The following ALLC variants were observed in gnomAD, a reference collection of about 807,000 sequenced individuals.
ALLC encodes allantoicase.
ALLC carries 40 observed loss-of-function variants against 45.0 expected under a neutral mutation model. The ratio of observed to expected loss-of-function variants is 0.89; its 90% confidence interval spans 0.69 to 1.16. The LOEUF (loss-of-function observed/expected upper bound fraction) is 1.16, where lower values mean the gene tolerates loss of function less well. Ranked by LOEUF, ALLC falls within the 50% of genes most tolerant of loss-of-function variation. The pLI is 0.00. For missense variants in ALLC, 488 were observed against 493.1 expected, an observed-to-expected ratio of 0.99 and a Z score of 0.10; for synonymous variants, 176 against 178.1, an observed-to-expected ratio of 0.99 and a Z score of 0.09.
At chr2:3,652,946 A>G in the ALLC span, among the ~76,000 whole-genome samples, 1 of 152,160 alleles carries the variant, frequency 6.6e-6, no homozygotes, top group Non-Finnish European at 1.5e-5. Flanking sequence ...GTAGTCAGCA[A>G]TTTGGACTGA....
At chr2:3,696,854 C>T (rs1667687707) in intron 9 of ALLC, among the ~76,000 whole-genome samples, 1 of 152,148 alleles carries the variant, frequency 6.6e-6, no homozygotes, top group East Asian at 1.9e-4. Context: ...TTGCAAATCC[C>T]ACCAAAAACT....
At chr2:3,650,804 G>A in the ALLC span, among the ~76,000 whole-genome samples, 1 of 152,214 alleles carries the variant, frequency 6.6e-6, no homozygotes, top group Non-Finnish European at 1.5e-5. Context: ...GGGAGTCTGT[G>A]TTAATAGCAG....
chr2:3,660,645 T>A (rs1666549661), intron 1 of ALLC, among the ~76,000 whole-genome samples: 1 of 146,110 alleles, frequency 6.8e-6, no homozygotes, highest in South Asian at 2.1e-4. Context: ...GGGTTCTTAT[T>A]CCTGACGCAC....
Position 3,696,561 on chromosome 2 carries a change from C to T in ALLC, c.741+213C>T, listed in dbSNP as rs141417039. On this transcript the variant is annotated intron_variant, in intron 9 of 11. Transcript: ENST00000252505. ...CAAACATACTGGTCATTGCCAGCTA[C>T]GCCAATGCATTTTTGGAACATTCCT... Among the ~76,000 whole-genome samples, 31 of 152,290 alleles carry T rather than the reference C, an allele frequency of 2.0e-4. No homozygotes were observed. The East Asian group carries it at 4.4e-3, about 22-fold the overall frequency.
At chr2:3,686,095 G>T (rs970434126) in intron 7 of ALLC, among the ~76,000 whole-genome samples, 1 of 150,978 alleles carries the variant, frequency 6.6e-6, no homozygotes, top group African/African-American at 2.4e-5. Flanking sequence ...TTTTCTTCTA[G>T]AATGTTCATA....
At chr2:3,668,938 G>A (rs549982234) in intron 1 of ALLC, among the ~76,000 whole-genome samples, 11 of 152,154 alleles carry the variant, frequency 7.2e-5, no homozygotes, top group African/African-American at 2.6e-4. Context: ...AATATCAGAT[G>A]GTCCCTGAAT....
At position 3,671,837 on chromosome 2, in the gene ALLC, TGGAGGTCCTCTGGCTCTGGTTAGATG is replaced by T. The variant is rs1558537236; in HGVS notation, c.33+717_33+742del. ...GGAGGTCCTCTGGCTCTGGTTAGAT[TGGAGGTCCTCTGGCTCTGGTTAGATG>T]GGAGGTCCTCTGGCTCTGGTTAGAT... On this transcript the variant is annotated intron_variant, in intron 2 of 11. Coordinates refer to ENST00000252505, the MANE Select transcript of ALLC (RefSeq NM_018436.4). Among the ~76,000 whole-genome samples, 6 of 25,960 alleles carry T rather than the reference TGGAGGTCCTCTGGCTCTGGTTAGATG, an allele frequency of 2.3e-4. No homozygotes were observed. The East Asian group carries it at 4.3e-3, about 19-fold the overall frequency. The allele number at this position is 25,960 out of a possible 152,430, so 17.0% of individuals were successfully genotyped here. A position where few individuals can be genotyped will look rare whatever the true frequency, so the allele number is the denominator to read the frequency against.
the ALLC span, among the ~76,000 whole-genome samples, chr2:3,646,673 A>G: frequency 6.6e-6 from 1 of 151,862 alleles, no homozygotes; most frequent in Non-Finnish European, 1.5e-5. Flanking sequence ...ATTGGCGCAG[A>G]CTCTGTGTAT....
chr2:3,701,723 A>G, intron 11 of ALLC, 87 bp downstream of exon 11: 1 of 1,434,030 alleles, frequency 7.0e-7, no homozygotes, highest in Non-Finnish European at 9.3e-7. Context: ...TACGCTCCAA[A>G]GTTTCTGCTC....
upstream of ALLC, among the ~76,000 whole-genome samples, chr2:3,656,114 C>T (rs150561190): frequency 1.4e-3 from 214 of 152,364 alleles, no homozygotes; most frequent in African/African-American, 4.9e-3. Context: ...CCAGGGGCTG[C>T]GCAGGGGTCG....
the ALLC span, among the ~76,000 whole-genome samples, chr2:3,649,869 G>A: frequency 6.6e-6 from 1 of 152,258 alleles, no homozygotes; most frequent in Non-Finnish European, 1.5e-5. Context: ...CACAGACAGC[G>A]GCCCCAGCTG....
chr2:3,696,188 T>G, intron 8 of ALLC, 87 bp from the exon 9 acceptor site: 1 of 1,086,242 alleles, frequency 9.2e-7, no homozygotes, highest in Non-Finnish European at 1.4e-6. Flanking sequence ...CTCAGATGCA[T>G]AAGATCTGTA....
chr2:3,702,472 G>A lies in ALLC; in HGVS notation c.1085G>A (p.Arg362Gln), dbSNP rs1329886148. The A allele has an allele frequency of 1.1e-5, 18 of 1,612,270 alleles. No homozygotes were observed. Among genetic ancestry groups the A allele is most frequent in the African/African-American group, 4.0e-5 (3 of 74,828 alleles). ...CCCGACGGGGGAGTGAGCCGCCTTC[G>A]GCTCCGGGGCTTCCCCAGCTCCATC... The part of the protein sequence containing the change: ...IVPDGGVSRL[R>Q]LRGFPSSICL... Residue 362 changes from arginine to glutamine, a missense_variant, in exon 12 of 12, where the codon CGG becomes CAG. By Grantham distance (43) the Arg-to-Gln change is conservative. Transcript: ENST00000252505.
intron 7 of ALLC, among the ~76,000 whole-genome samples, chr2:3,691,715 C>T (rs1229768303): frequency 2.0e-5 from 3 of 152,188 alleles, no homozygotes; most frequent in Non-Finnish European, 2.9e-5. Context: ...CTACCCCTTG[C>T]TCTTGCTCAA....
At chr2:3,652,612 A>G in the ALLC span, among the ~76,000 whole-genome samples, 3 of 134,282 alleles carry the variant, frequency 2.2e-5, no homozygotes, top group Non-Finnish European at 4.6e-5. Context: ...TTTTTTGGAA[A>G]TGGAGTCTCG....
intron 7 of ALLC, among the ~76,000 whole-genome samples, chr2:3,683,470 A>G (rs1167215215): frequency 1.3e-5 from 2 of 152,240 alleles, no homozygotes; most frequent in Non-Finnish European, 2.9e-5. Flanking sequence ...TAGCATATGC[A>G]TAGACACGTG....
chr2:3,673,533 G>A (rs1013023380), intron 2 of ALLC, among the ~76,000 whole-genome samples: 9 of 152,246 alleles, frequency 5.9e-5, no homozygotes, highest in South Asian at 2.1e-4. Context: ...CCTGGCTTGG[G>A]TGGAGTGACC....
upstream of ALLC, among the ~76,000 whole-genome samples, chr2:3,657,796 G>T (rs185493082): frequency 4.6e-5 from 7 of 152,228 alleles, no homozygotes; most frequent in African/African-American, 7.2e-5. Context: ...TTTTTCTGGG[G>T]CTGAGGGGCT....
In ALLC at chr2:3,701,561, GGAA is replaced by G. The variant is rs34308920; in HGVS notation, c.908_910del (p.Glu303del). 0.42 allele frequency: 674,147 copies of G among 1,600,594 alleles called. 145,947 individuals carry two copies. Among genetic ancestry groups the G allele is most frequent in the African/African-American group, 0.6 (44,733 of 74,616 alleles). ...TGGATGGGTGCATCCTGACAACTCAGGAAGAAGAAGCCGTGATCAGGCAAAAGT... is the reference window on the plus strand; with the variant it reads ...TGGATGGGTGCATCCTGACAACTCAGGAAGAAGCCGTGATCAGGCAAAAGT... On this transcript the variant is annotated inframe_deletion, in exon 11 of 12. Coordinates refer to ENST00000252505, the MANE Select transcript of ALLC (RefSeq NM_018436.4).
Sources: gnomAD v4.1 joint callset for allele counts (sites outside exome capture counted in the v4.1 genomes callset) on GRCh38, gnomAD v4.1.1 for gene constraint, MANE v1.5 for transcripts, NCBI Gene and HGNC (gene_info 2026-07-23, HGNC 2026-07-21) for gene names.